C5orf34: variants seen among roughly 807,000 people sequenced by gnomAD.
C5orf34 encodes the protein chromosome 5 open reading frame 34.
A neutral mutation model predicts 78.4 loss-of-function variants in C5orf34; 73 were observed. That is an observed-to-expected ratio of 0.93 (90% CI 0.77 to 1.13). C5orf34 has a LOEUF of 1.13. Among genes scored for constraint, C5orf34 ranks in the 50% most tolerant of loss-of-function variants. C5orf34 has a pLI of 0.00. For synonymous variants in C5orf34, 251 were observed against 246.6 expected (o/e 1.02, Z -0.17); for missense variants, 730 against 732.7 (o/e 1.00, Z 0.04).
At chr5:43,495,504 C>T (rs1412631114) in intron 6 of C5orf34, 23 of 1,607,878 alleles carry the variant, frequency 1.4e-5, no homozygotes, top group Admixed American at 3.3e-5. Flanking sequence ...CGACGAACAT[C>T]CTTGACAGAC....
At chr5:43,496,392 G>T in intron 6 of C5orf34, 1 of 1,595,800 alleles carries the variant, frequency 6.3e-7, no homozygotes, top group Non-Finnish European at 8.5e-7. Context: ...CAGTAGTGGT[G>T]GACTTGCCCG....
Position 43,492,901 on chromosome 5 carries a change from G to A in C5orf34, c.1315-11C>T, listed in dbSNP as rs1200691061. 3.9e-6 allele frequency: 6 copies of A among 1,550,286 alleles called. No homozygotes were observed. In the Admixed American group the frequency reaches 9.5e-5, roughly 25 times the overall value. The stretch of plus-strand genomic sequence containing the variant: ...ATTTATCCCAGGTACCTAAAACCAA[G>A]TAAATAAAAATAGCAGGAAATAGAG... On this transcript the variant is annotated splice_polypyrimidine_tract_variant and intron_variant, in intron 8 of 12. Transcript: ENST00000306862.
At chr5:43,500,887 A>G (rs1044520331) in intron 6 of C5orf34, among the ~76,000 whole-genome samples, 1 of 152,144 alleles carries the variant, frequency 6.6e-6, no homozygotes, top group African/African-American at 2.4e-5. Flanking sequence ...TTCATCTGAA[A>G]TTTATTTTGG....
intron 8 of C5orf34, among the ~76,000 whole-genome samples, chr5:43,493,101 T>C (rs571206582): frequency 2.6e-5 from 4 of 151,518 alleles, no homozygotes; most frequent in South Asian, 2.1e-4. Context: ...GTCACTGTTC[T>C]GCTCTGAACT....
At chr5:43,496,581 AATT>A in intron 6 of C5orf34, 3 of 608,930 alleles carry the variant, frequency 4.9e-6, no homozygotes, top group Non-Finnish European at 7.0e-6. Flanking sequence ...AGTTTTTTTT[AATT>A]TTTTTTTTTT....
chr5:43,494,365 T>C (rs1356635516), intron 7 of C5orf34, 145 bp downstream of exon 7: 2 of 467,222 alleles, frequency 4.3e-6, no homozygotes, highest in South Asian at 6.0e-5. Context: ...TTATAAATTA[T>C]GACACCAAAA....
chr5:43,510,045 G>A (rs1271119148), intron 1 of C5orf34, among the ~76,000 whole-genome samples: 4 of 152,072 alleles, frequency 2.6e-5, no homozygotes, highest in Non-Finnish European at 4.4e-5. Context: ...GAGCCACTGC[G>A]CCCGGCCTAA....
intron 12 of C5orf34, 120 bp from the exon 13 acceptor site, chr5:43,487,231 A>C: frequency 2.0e-6 from 1 of 503,350 alleles, no homozygotes; most frequent in East Asian, 3.4e-5. Context: ...TTGGATTCAT[A>C]ATACAGTTGG....
intron 6 of C5orf34, chr5:43,496,002 T>C (rs1251029381): frequency 6.3e-7 from 1 of 1,591,074 alleles, no homozygotes; most frequent in Non-Finnish European, 8.5e-7. Context: ...TCCATTTTGT[T>C]AACACCAACA....
intron 3 of C5orf34, among the ~76,000 whole-genome samples, chr5:43,507,790 G>A (rs1746053843): frequency 6.6e-6 from 1 of 152,174 alleles, no homozygotes; most frequent in Non-Finnish European, 1.5e-5. Context: ...TATAAAAAGA[G>A]GCTGCCGGCC....
intron 1 of C5orf34, among the ~76,000 whole-genome samples, chr5:43,512,122 G>A (rs1290497217): frequency 1.3e-5 from 2 of 151,974 alleles, no homozygotes; most frequent in Admixed American, 1.3e-4. Flanking sequence ...TGTAAAATGG[G>A]AGTAGTAACA....
intron 6 of C5orf34, 58 bp from the exon 7 acceptor site, chr5:43,494,659 T>A: frequency 1.1e-6 from 1 of 931,760 alleles, no homozygotes; most frequent in Non-Finnish European, 1.7e-6. Flanking sequence ...CTTTATTACT[T>A]AGCTGCTTTT....
At chr5:43,489,644 A>G (rs1745201386) in intron 11 of C5orf34, among the ~76,000 whole-genome samples, 1 of 152,184 alleles carries the variant, frequency 6.6e-6, no homozygotes, top group Admixed American at 6.5e-5. Flanking sequence ...GGCTACAGCT[A>G]AAGGATGAGG....
Position 43,509,374 on chromosome 5 carries a change from G to C in C5orf34, c.-35C>G. 1 of 1,516,842 alleles carries C rather than the reference G, an allele frequency of 6.6e-7. No homozygotes were observed. The highest frequency in any genetic ancestry group is 8.9e-7 in the Non-Finnish European group (1 of 1,121,430). 94.0% of individuals were successfully genotyped at this position (1,516,842 alleles called of 1,614,324 possible). A position where few individuals can be genotyped will look rare whatever the true frequency, so the allele number is the denominator to read the frequency against. On this transcript the variant is annotated splice_region_variant and 5_prime_UTR_variant, in exon 2 of 13. Coordinates refer to ENST00000306862, the MANE Select transcript of C5orf34 (RefSeq NM_198566.4). ...AGGATAAGATATCTTCTAAGTCAAA[G>C]ACTGAATGAAATAGGAAAAACAACA...
chr5:43,511,029 T>C, intron 1 of C5orf34: 2 of 200,470 alleles, frequency 1.0e-5, no homozygotes, highest in South Asian at 1.4e-4. Context: ...TCGTCTGAGA[T>C]GTGGGGAGCG....
chr5:43,490,290 C>T, intron 11 of C5orf34: 1 of 176,648 alleles, frequency 5.7e-6, no homozygotes, highest in South Asian at 1.4e-4. Context: ...CCTTTTATTT[C>T]CTTCAACATT....
At position 43,493,573 on chromosome 5, in the gene C5orf34, G is replaced by T; in HGVS notation, c.1284C>A (p.Ser428Arg). ...QHCVKMRLSL[S>R]HNYRICCWKM... Reference sequence around the variant, plus strand: ...TCCAGCAGCATATACGATAGTTATGGCTTAAAGAAAGTCTCATCTTCACAC... The same window carrying T: ...TCCAGCAGCATATACGATAGTTATGTCTTAAAGAAAGTCTCATCTTCACAC... The change falls in exon 8 of 13, where the codon AGC becomes AGA. Residue 428 changes from serine to arginine, a missense_variant. Ser to Arg is a moderately radical substitution (Grantham distance 110). Coordinates refer to ENST00000306862, the MANE Select transcript of C5orf34 (RefSeq NM_198566.4). 2.5e-6 allele frequency: 4 copies of T among 1,577,552 alleles called. No homozygotes were observed. Among genetic ancestry groups the T allele is most frequent in the African/African-American group, 1.4e-5 (1 of 73,326 alleles).
chr5:43,499,905 T>G (rs1313661198), intron 6 of C5orf34, among the ~76,000 whole-genome samples: 1 of 152,210 alleles, frequency 6.6e-6, no homozygotes, highest in African/African-American at 2.4e-5. Context: ...CTTCTGATTT[T>G]TTGCTGCTAC....
intron 3 of C5orf34, among the ~76,000 whole-genome samples, chr5:43,506,702 C>G (rs909586693): frequency 6.6e-6 from 1 of 151,714 alleles, no homozygotes; most frequent in Admixed American, 6.6e-5. Flanking sequence ...AGATTTGTAT[C>G]CCTCCCCTCA....
Sources: gnomAD v4.1 joint callset for allele counts (sites outside exome capture counted in the v4.1 genomes callset) on GRCh38, gnomAD v4.1.1 for gene constraint, MANE v1.5 for transcripts, NCBI Gene and HGNC (gene_info 2026-07-23, HGNC 2026-07-21) for gene names.